Variants in STS observed in about 807,000 individuals in gnomAD.
STS encodes steryl-sulfatase.
STS carries 7 observed loss-of-function variants against 26.8 expected under a neutral mutation model. That is an observed-to-expected ratio of 0.26 (90% CI 0.15 to 0.49). STS has a LOEUF of 0.49. STS is among the 20% of genes least tolerant of loss of function. The pLI is 0.98. For missense variants in STS, 434 were observed against 465.6 expected (o/e 0.93, Z 0.63); for synonymous variants, 199 against 189.4 (o/e 1.05, Z -0.42).
chrX:7,348,465 T>A (rs779400446), intron 10 of STS, among the ~76,000 whole-genome samples: 20 of 112,275 alleles, frequency 1.8e-4, no homozygotes, highest in Non-Finnish European at 1.1e-4. Context: ...GGCATTCACG[T>A]TCTGCACCTG....
intron 1 of STS, among the ~76,000 whole-genome samples, chrX:7,165,447 G>A (rs751551039): frequency 9.0e-6 from 1 of 110,665 alleles, no homozygotes; most frequent in African/African-American, 3.3e-5. Context: ...CCAGGAGTTC[G>A]AGGCCAGCCT....
intron 10 of STS, among the ~76,000 whole-genome samples, chrX:7,343,807 A>G (rs1199160312): frequency 2.7e-5 from 3 of 112,164 alleles, no homozygotes; most frequent in Non-Finnish European, 5.6e-5. Context: ...CTCACATAGC[A>G]TCAGGCTAAG....
intron 2 of STS, among the ~76,000 whole-genome samples, chrX:7,247,573 A>G (rs1922946222): frequency 8.9e-6 from 1 of 112,437 alleles, no homozygotes; most frequent in Non-Finnish European, 1.9e-5. Flanking sequence ...AGAGCTATGT[A>G]GTTGACAGTG....
At chrX:7,325,587 C>A in intron 9 of STS, 89 bp downstream of exon 9, 2 of 1,082,013 alleles carry the variant, frequency 1.8e-6, no homozygotes, top group Non-Finnish European at 2.6e-6. Flanking sequence ...GTGTGGGGAC[C>A]AAGGCCTTTG....
intron 3 of STS, among the ~76,000 whole-genome samples, chrX:7,256,892 C>G (rs1322975543): frequency 8.9e-6 from 1 of 112,094 alleles, no homozygotes; most frequent in East Asian, 2.8e-4. Flanking sequence ...CCCACATAAC[C>G]CCAGACTTGC....
At chrX:7,150,050 G>A (rs1488897868) in intron 1 of STS, among the ~76,000 whole-genome samples, 1 of 111,671 alleles carries the variant, frequency 9.0e-6, no homozygotes, top group Admixed American at 9.4e-5. Flanking sequence ...GGTACCTACA[G>A]TAAGTATGAC....
At chrX:7,348,646 ATT>A (rs1490044693) in intron 10 of STS, among the ~76,000 whole-genome samples, 1 of 111,379 alleles carries the variant, frequency 9.0e-6, no homozygotes, top group Non-Finnish European at 1.9e-5. Flanking sequence ...ATAATTATTC[ATT>A]TGTTTGTGAA....
intron 2 of STS, among the ~76,000 whole-genome samples, chrX:7,251,595 G>C (rs1923145236): frequency 9.0e-6 from 1 of 111,396 alleles, no homozygotes; most frequent in South Asian, 3.8e-4. Flanking sequence ...TAAACTAAAA[G>C]CCCAGACTCC....
chrX:7,169,082 A>T (rs1313196469), intron 1 of STS, among the ~76,000 whole-genome samples: 4 of 111,465 alleles, frequency 3.6e-5, no homozygotes, highest in Non-Finnish European at 5.7e-5. Flanking sequence ...CTGGTTCTAC[A>T]ACATTTTCAT....
At chrX:7,167,913 CA>C (rs1933385131) in intron 1 of STS, among the ~76,000 whole-genome samples, 1 of 109,709 alleles carries the variant, frequency 9.1e-6, no homozygotes, top group Non-Finnish European at 1.9e-5. Flanking sequence ...AGACTGGTCT[CA>C]AACTCCTGGC....
intron 1 of STS, among the ~76,000 whole-genome samples, chrX:7,169,678 A>G (rs1569180288): frequency 1.8e-5 from 2 of 112,080 alleles, no homozygotes; most frequent in East Asian, 2.8e-4. Flanking sequence ...CTTTGATTGA[A>G]CATCCAGCAA....
chrX:7,238,488 C>T (rs1209267675), intron 2 of STS, among the ~76,000 whole-genome samples: 2 of 110,044 alleles, frequency 1.8e-5, no homozygotes. Flanking sequence ...ATTGTCCTCC[C>T]CTCCATCTCA....
chrX:7,172,932 T>C (rs1221258876), intron 1 of STS, among the ~76,000 whole-genome samples: 1 of 111,881 alleles, frequency 8.9e-6, no homozygotes, highest in Non-Finnish European at 1.9e-5. Flanking sequence ...GTCAGTGTTA[T>C]TCACTTTGTT....
chrX:7,160,242 A>G (rs1933215068), intron 1 of STS, among the ~76,000 whole-genome samples: 1 of 112,365 alleles, frequency 8.9e-6, no homozygotes. Flanking sequence ...AGTTAATTGA[A>G]TAAGTAGAAG....
chrX:7,198,756 T>C (rs1421291755), intron 2 of STS, among the ~76,000 whole-genome samples: 1 of 112,523 alleles, frequency 8.9e-6, no homozygotes, highest in Admixed American at 9.4e-5. Flanking sequence ...AAAGGCAGTT[T>C]CAGATCTTTA....
chrX:7,201,921 C>T (rs1488442545), intron 2 of STS, among the ~76,000 whole-genome samples: 2 of 110,821 alleles, frequency 1.8e-5, no homozygotes, highest in East Asian at 2.8e-4. Flanking sequence ...ATCCACGATG[C>T]TCATAATGGT....
chrX:7,171,407 C>A (rs1933464181), intron 1 of STS, among the ~76,000 whole-genome samples: 1 of 111,749 alleles, frequency 8.9e-6, no homozygotes, highest in Non-Finnish European at 1.9e-5. Context: ...CAACCCCAGT[C>A]TTAGCCTGCC....
At chrX:7,303,005 T>C (rs1193639250) in intron 7 of STS, among the ~76,000 whole-genome samples, 1 of 111,385 alleles carries the variant, frequency 9.0e-6, no homozygotes, top group Non-Finnish European at 1.9e-5. Context: ...TCATATAATG[T>C]GGCTTTCTGA....
chrX:7,166,485 A>C (rs1933353596), intron 1 of STS, among the ~76,000 whole-genome samples: 1 of 111,581 alleles, frequency 9.0e-6, no homozygotes, highest in South Asian at 3.8e-4. Flanking sequence ...AAGTATGGGG[A>C]TATGCAAAGC....
Sources: allele counts gnomAD v4.1 joint callset (sites outside exome capture counted in the v4.1 genomes callset), GRCh38; gene constraint gnomAD v4.1.1; transcripts MANE v1.5; gene names NCBI Gene and HGNC (gene_info 2026-07-23, HGNC 2026-07-21).